Variants in KIF9 observed in about 807,000 individuals in gnomAD.
KIF9 encodes kinesin family member 9.
Under a neutral mutation model 94.8 loss-of-function variants are expected in KIF9, and 68 were observed. The ratio of observed to expected loss-of-function variants is 0.72; its 90% confidence interval spans 0.59 to 0.88. KIF9 has a LOEUF of 0.88. KIF9 is among the 40% of genes least tolerant of loss of function. The probability of loss-of-function intolerance (pLI) is 0.00; values close to 1 mark genes in which losing one functional copy is unlikely to be tolerated. For synonymous variants in KIF9, 343 were observed against 362.1 expected (o/e 0.95, Z 0.60); for missense variants, 882 against 982.5 (o/e 0.90, Z 1.37).
chr3:47,278,987 T>C (rs1253364566), intron 1 of KIF9, among the ~76,000 whole-genome samples: 7 of 151,016 alleles, frequency 4.6e-5, no homozygotes, highest in Admixed American at 4.0e-4. Flanking sequence ...AATAAATAAA[T>C]GAATAAATAA....
intron 15 of KIF9, 63 bp downstream of exon 15, chr3:47,244,728 T>G: frequency 6.3e-7 from 1 of 1,592,296 alleles, no homozygotes; most frequent in Non-Finnish European, 8.6e-7. Context: ...ACAGTGCACA[T>G]CCTCCCATGC....
intron 5 of KIF9, among the ~76,000 whole-genome samples, chr3:47,267,817 G>A (rs1701380033): frequency 6.7e-6 from 1 of 150,160 alleles, no homozygotes; most frequent in African/African-American, 2.5e-5. Context: ...TTTTTTTAGT[G>A]AGCATGTATT....
At chr3:47,228,846 A>AGTAGCTCAAGT in intron 20 of KIF9, 144 bp from the exon 21 acceptor site, 1 of 692,886 alleles carries the variant, frequency 1.4e-6, no homozygotes. Context: ...GAGTAGCCCC[A>AGTAGCTCAAGT]ATTCTCTGAG....
At chr3:47,275,208 GA>G in intron 3 of KIF9, 116 bp downstream of exon 3, 1 of 806,462 alleles carries the variant, frequency 1.2e-6, no homozygotes. Flanking sequence ...TAAGAACATG[GA>G]GACAGACAAA....
intron 20 of KIF9, among the ~76,000 whole-genome samples, chr3:47,231,259 A>G (rs1022142085): frequency 6.6e-6 from 1 of 152,154 alleles, no homozygotes; most frequent in Non-Finnish European, 1.5e-5. Context: ...ATAGGAACAG[A>G]AAAGAACGTC....
At position 47,257,487 on chromosome 3, in the gene KIF9, G is replaced by A. The variant is rs1265878408; in HGVS notation, c.1055C>T (p.Ala352Val). 1.2e-6 allele frequency: 2 copies of A among 1,613,690 alleles called. No homozygotes were observed. Among genetic ancestry groups the A allele is most frequent in the Admixed American group, 3.3e-5 (2 of 60,026 alleles). Residue 352 changes from alanine to valine, a missense_variant, in exon 10 of 21, where the codon GCT becomes GTT. Physicochemically the swap from Ala to Val is moderately conservative, Grantham distance 64 (BLOSUM62 0). Transcript: ENST00000684063. ...TGTCCACAACCCCTGCTGTACCTCAGCATCATACTTTTCATTGATGGCAGG... is the reference window on the plus strand; with the variant it reads ...TGTCCACAACCCCTGCTGTACCTCAACATCATACTTTTCATTGATGGCAGG... Reference protein sequence around the residue: ...TEPAINEKYDAERMVKNLEKE... With the variant: ...TEPAINEKYDVERMVKNLEKE...
chr3:47,280,962 C>T (rs1308121959), intron 1 of KIF9: 8 of 702,968 alleles, frequency 1.1e-5, no homozygotes, highest in Middle Eastern at 2.3e-4. Flanking sequence ...TGAAATACTG[C>T]TTGTTACCAT....
chr3:47,249,393 G>T (rs1034162797), intron 10 of KIF9, among the ~76,000 whole-genome samples: 1 of 151,748 alleles, frequency 6.6e-6, no homozygotes, highest in Non-Finnish European at 1.5e-5. Context: ...TGATCTGCCC[G>T]CCTCAGCCTC....
chr3:47,264,676 G>A (rs766824210), intron 8 of KIF9, among the ~76,000 whole-genome samples: 11 of 152,166 alleles, frequency 7.2e-5, no homozygotes, highest in Non-Finnish European at 1.5e-4. Context: ...GGCCTCAAGC[G>A]ATCCTCCTGT....
chr3:47,244,660 G>A (rs1699805263), intron 15 of KIF9, 131 bp downstream of exon 15: 1 of 1,139,422 alleles, frequency 8.8e-7, no homozygotes, highest in Non-Finnish European at 1.3e-6. Flanking sequence ...GCTAGTATTG[G>A]CAGCAGTGAC....
intron 20 of KIF9, among the ~76,000 whole-genome samples, chr3:47,231,324 A>G (rs1238064034): frequency 2.6e-5 from 4 of 151,232 alleles, no homozygotes. Context: ...TGCTACCCCA[A>G]GTGTGGTCCT....
At chr3:47,266,909 G>T in intron 7 of KIF9, 67 bp downstream of exon 7, 1 of 1,113,456 alleles carries the variant, frequency 9.0e-7, no homozygotes, top group Non-Finnish European at 1.4e-6. Flanking sequence ...GCCCAGATGT[G>T]CAGGCACTGT....
In KIF9 at chr3:47,271,502, C is replaced by T. The variant is rs1352552550; in HGVS notation, c.367-41G>A. 4.8e-6 allele frequency: 7 copies of T among 1,447,096 alleles called. No homozygotes were observed. In the South Asian group the frequency reaches 8.0e-5, roughly 17 times the overall value. 89.6% of individuals were successfully genotyped at this position (1,447,096 alleles called of 1,614,324 possible). On this transcript the variant is annotated intron_variant, in intron 4 of 20. Coordinates refer to ENST00000684063, the MANE Select transcript of KIF9 (RefSeq NM_182902.4). ...TACAGCGGTCACCAAGAGCAGAACC[C>T]CAACAGCCAACTAGCATAAGGGGGG...
chr3:47,275,641 A>G (rs1013092053), intron 2 of KIF9, 151 bp from the exon 3 acceptor site: 6 of 632,746 alleles, frequency 9.5e-6, no homozygotes, highest in Non-Finnish European at 1.6e-5. Flanking sequence ...GATATTCCAG[A>G]TGAATTCTTT....
chr3:47,281,277 C>T, intron 1 of KIF9: 2 of 458,958 alleles, frequency 4.4e-6, no homozygotes, highest in Admixed American at 7.6e-5. Context: ...TCCAGGAGGA[C>T]ACTTGGTTTC....
intron 10 of KIF9, among the ~76,000 whole-genome samples, chr3:47,254,726 T>A (rs1463309171): frequency 1.3e-5 from 2 of 152,106 alleles, no homozygotes; most frequent in African/African-American, 4.8e-5. Context: ...TTAACTAGGA[T>A]GCCAGTGGTT....
At chr3:47,238,865 G>A (rs376929200) in intron 17 of KIF9, among the ~76,000 whole-genome samples, 3 of 152,058 alleles carry the variant, frequency 2.0e-5, no homozygotes, top group East Asian at 2.0e-4. Context: ...GGGTTTCACC[G>A]TGTTAGCCAG....
intron 9 of KIF9, among the ~76,000 whole-genome samples, chr3:47,259,765 A>G (rs964159064): frequency 6.2e-5 from 9 of 144,332 alleles, no homozygotes; most frequent in African/African-American, 2.1e-4. Context: ...GCTTGAAGGC[A>G]GCATGCTCCT....
In KIF9 at chr3:47,228,361, G is replaced by C; in HGVS notation, c.*291C>G. ...CATACATAGAGAATATGTCCTTTCA[G>C]ACAGGAAATAAGACAAAGTTCTCAG... is the stretch of plus-strand genomic sequence containing the variant. On this transcript the variant is annotated 3_prime_UTR_variant, in exon 21 of 21. Coordinates refer to ENST00000684063, the MANE Select transcript of KIF9 (RefSeq NM_182902.4). 1 of 378,156 alleles carries C rather than the reference G, an allele frequency of 2.6e-6. No individual in the cohort carries two copies. The highest frequency in any genetic ancestry group is 3.2e-5 in the South Asian group (1 of 31,314). 23.4% of individuals were successfully genotyped at this position (378,156 alleles called of 1,614,324 possible).
Sources: gnomAD v4.1 joint callset for allele counts (sites outside exome capture counted in the v4.1 genomes callset) on GRCh38, gnomAD v4.1.1 for gene constraint, MANE v1.5 for transcripts, NCBI Gene and HGNC (gene_info 2026-07-23, HGNC 2026-07-21) for gene names.